LARGE1: variants seen among roughly 807,000 people sequenced by gnomAD.
The protein encoded by LARGE1 is LARGE xylosyl- and glucuronyltransferase 1, also known as xylosyl- and glucuronyltransferase LARGE1.
LARGE1 carries 43 observed loss-of-function variants against 87.6 expected under a neutral mutation model. The observed-to-expected ratio is 0.49, with a 90% CI of 0.38 to 0.63. LARGE1 has a LOEUF of 0.63. Among genes scored for constraint, LARGE1 ranks in the 30% least tolerant of loss-of-function variants. The pLI is 0.00. For synonymous variants in LARGE1, 434 were observed against 394.6 expected (o/e 1.10, Z -1.18); for missense variants, 802 against 1,000.2 (o/e 0.80, Z 2.67).
chr22:33,437,699 G>A (rs1313883774), intron 6 of LARGE1, among the ~76,000 whole-genome samples: 2 of 152,092 alleles, frequency 1.3e-5, no homozygotes, highest in African/African-American at 2.4e-5. Context: ...TTGCTGAGAC[G>A]TTGGTTCAGC....
chr22:33,401,396 G>T (rs2065921963), intron 7 of LARGE1, among the ~76,000 whole-genome samples: 1 of 152,114 alleles, frequency 6.6e-6, no homozygotes, highest in African/African-American at 2.4e-5. Flanking sequence ...TCCTTCTTGG[G>T]AGGCAAATGA....
intron 11 of LARGE1, among the ~76,000 whole-genome samples, chr22:33,228,177 C>T (rs1425596852): frequency 6.6e-6 from 1 of 152,250 alleles, no homozygotes; most frequent in Non-Finnish European, 1.5e-5. Flanking sequence ...TGGAATTATA[C>T]ATCTGAAGTA....
chr22:33,291,398 C>G (rs1932524638), intron 12 of LARGE1, among the ~76,000 whole-genome samples: 1 of 152,068 alleles, frequency 6.6e-6, no homozygotes, highest in African/African-American at 2.4e-5. Flanking sequence ...TCTGTCTACC[C>G]TTATGCATTC....
At chr22:33,215,031 C>G (rs2146241894) in intron 11 of LARGE1, among the ~76,000 whole-genome samples, 1 of 152,274 alleles carries the variant, frequency 6.6e-6, no homozygotes. Context: ...GGAGGGGGAG[C>G]CTCAAAAATC....
intron 11 of LARGE1, among the ~76,000 whole-genome samples, chr22:33,312,131 A>C (rs1935666398): frequency 6.6e-6 from 1 of 152,186 alleles, no homozygotes; most frequent in African/African-American, 2.4e-5. Flanking sequence ...GGATGAGGAT[A>C]ATGATACAGT....
chr22:33,637,634 G>A (rs1314716984), intron 3 of LARGE1, among the ~76,000 whole-genome samples: 1 of 152,146 alleles, frequency 6.6e-6, no homozygotes. Flanking sequence ...CCTGGGAAAA[G>A]CTAGCTGATA....
chr22:33,141,922 A>G, the LARGE1 span, among the ~76,000 whole-genome samples: 1 of 152,218 alleles, frequency 6.6e-6, no homozygotes, highest in Non-Finnish European at 1.5e-5. Flanking sequence ...TTATATTTGA[A>G]TATCATTACT....
At chr22:33,503,457 C>T (rs1427121299) in intron 6 of LARGE1, among the ~76,000 whole-genome samples, 3 of 151,882 alleles carry the variant, frequency 2.0e-5, no homozygotes, top group East Asian at 1.9e-4. Flanking sequence ...CCAGCAATTC[C>T]GTTCTAGGTA....
the LARGE1 span, among the ~76,000 whole-genome samples, chr22:33,100,678 T>C: frequency 6.6e-6 from 1 of 152,168 alleles, no homozygotes; most frequent in Admixed American, 6.5e-5. Context: ...AATGATTCAT[T>C]AGGTGCAGAT....
intron 11 of LARGE1, among the ~76,000 whole-genome samples, chr22:33,177,245 G>T (rs969173740): frequency 2.0e-5 from 3 of 152,014 alleles, no homozygotes; most frequent in African/African-American, 7.2e-5. Context: ...CATGGCACGT[G>T]TATACGTATG....
chr22:33,528,641 G>A (rs2072034189), intron 6 of LARGE1, among the ~76,000 whole-genome samples: 1 of 152,162 alleles, frequency 6.6e-6, no homozygotes, highest in Admixed American at 6.5e-5. Context: ...AGGAGGGGCA[G>A]CATCAGCAGG....
chr22:33,301,361 G>T (rs1934117263), intron 12 of LARGE1, among the ~76,000 whole-genome samples: 1 of 152,134 alleles, frequency 6.6e-6, no homozygotes, highest in South Asian at 2.1e-4. Flanking sequence ...AGTTTGGGGT[G>T]GGGGTGTGAG....
At chr22:33,713,906 G>C (rs924549965) in intron 2 of LARGE1, among the ~76,000 whole-genome samples, 1 of 152,066 alleles carries the variant, frequency 6.6e-6, no homozygotes, top group African/African-American at 2.4e-5. Context: ...CAGTGAGCCA[G>C]GATGGTGCTG....
chr22:33,643,530 A>G (rs2080509420), intron 3 of LARGE1, among the ~76,000 whole-genome samples: 1 of 152,200 alleles, frequency 6.6e-6, no homozygotes, highest in Non-Finnish European at 1.5e-5. Flanking sequence ...AATAACTAAG[A>G]TCAGAGCAGA....
chr22:33,503,311 C>T (rs2148387150), intron 6 of LARGE1, among the ~76,000 whole-genome samples: 1 of 143,956 alleles, frequency 6.9e-6, no homozygotes, highest in East Asian at 2.1e-4. Context: ...GGTTGGAGTG[C>T]AGTGGTGCGA....
At chr22:33,631,746 AAC>A (rs1175989971) in intron 3 of LARGE1, among the ~76,000 whole-genome samples, 1 of 152,262 alleles carries the variant, frequency 6.6e-6, no homozygotes, top group African/African-American at 2.4e-5. Flanking sequence ...ATACACTGGT[AAC>A]ACAGCCATTT....
the LARGE1 span, among the ~76,000 whole-genome samples, chr22:33,073,926 T>C: frequency 6.6e-6 from 1 of 152,160 alleles, no homozygotes. Flanking sequence ...AATCCTCCCA[T>C]GGCAGCATGA....
chr22:33,475,101 T>TC (rs1236365403), intron 6 of LARGE1, among the ~76,000 whole-genome samples: 1 of 152,176 alleles, frequency 6.6e-6, no homozygotes, highest in Non-Finnish European at 1.5e-5. Context: ...CATAGTCTAC[T>TC]CACTGGAACA....
At chr22:33,329,447 G>A (rs1057080285) in intron 10 of LARGE1, among the ~76,000 whole-genome samples, 1 of 151,804 alleles carries the variant, frequency 6.6e-6, no homozygotes, top group African/African-American at 2.4e-5. Flanking sequence ...TGGGGGGAAG[G>A]GGGCGTTGGC....
Sources: gnomAD v4.1 joint callset for allele counts (sites outside exome capture counted in the v4.1 genomes callset) on GRCh38, gnomAD v4.1.1 for gene constraint, MANE v1.5 for transcripts, NCBI Gene and HGNC (gene_info 2026-07-23, HGNC 2026-07-21) for gene names.